Variants in CPLANE1 observed in about 807,000 individuals in gnomAD.
CPLANE1 encodes ciliogenesis and planar polarity effector 1.
In CPLANE1, 263 loss-of-function variants were observed where a neutral mutation model predicts 362.5. The observed-to-expected ratio is 0.73, with a 90% CI of 0.66 to 0.80. CPLANE1 has a LOEUF of 0.80. CPLANE1 is among the 30% of genes least tolerant of loss of function. The pLI is 0.00. For missense variants in CPLANE1, 3,461 were observed against 3,793.4 expected (o/e 0.91, Z 2.30); for synonymous variants, 1,212 against 1,302.6 (o/e 0.93, Z 1.50).
Position 37,121,747 on chromosome 5 carries a change from G to C in CPLANE1, c.9055C>G (p.Gln3019Glu). ...AGTTCATTCATCAGACCGTACGCTTGTGAGATTCGACGACTATAGTGTTCA... is the reference window on the plus strand; with the variant it reads ...AGTTCATTCATCAGACCGTACGCTTCTGAGATTCGACGACTATAGTGTTCA... ...LSEHYSRRISQAYGLMNELLS... is the reference protein window; with the variant it reads ...LSEHYSRRISEAYGLMNELLS... The change falls in exon 49 of 53, where the codon CAA (glutamine) becomes GAA (glutamate). Residue 3019 changes from glutamine to glutamate, a missense_variant. Physicochemically the swap from Gln to Glu is conservative, Grantham distance 29. This residue lies in a region of CPLANE1 where 3,380 missense variants were observed against 3,666.1 expected (regional missense o/e 0.92). Transcript: ENST00000651892. 1 of 1,614,002 alleles carries C rather than the reference G, an allele frequency of 6.2e-7. No homozygotes were observed. The highest frequency in any genetic ancestry group is 1.7e-4 in the Middle Eastern group (1 of 6,060).
intron 43 of CPLANE1, among the ~76,000 whole-genome samples, chr5:37,143,967 A>C (rs1229725361): frequency 6.6e-6 from 1 of 151,236 alleles, no homozygotes. Flanking sequence ...TAAGGAACAG[A>C]GTGAGGAGGT....
rs181980541 is a variant in CPLANE1 at position 37,132,691 on chromosome 5, T to C, written c.8792+6029A>G. Among the ~76,000 whole-genome samples the C allele has an allele frequency of 3.3e-5, 5 of 152,282 alleles. No homozygotes were observed. In the East Asian group the frequency reaches 9.6e-4, roughly 29 times the overall value. On this transcript the variant is annotated intron_variant, in intron 46 of 52. Transcript: ENST00000651892. ...TAGATTCTGCATATTAGATCATTGTTGGATGCAAAGGTTGTGAATATTTTC... is the reference window on the plus strand; with the variant it reads ...TAGATTCTGCATATTAGATCATTGTCGGATGCAAAGGTTGTGAATATTTTC...
intron 46 of CPLANE1, among the ~76,000 whole-genome samples, chr5:37,132,306 C>G (rs1157456433): frequency 1.5e-5 from 2 of 136,204 alleles, no homozygotes; most frequent in Non-Finnish European, 3.2e-5. Flanking sequence ...ACTTTTTAAT[C>G]TAGTTGTTCT....
chr5:37,149,499 C>T (rs953399130), intron 42 of CPLANE1, among the ~76,000 whole-genome samples: 1 of 152,176 alleles, frequency 6.6e-6, no homozygotes, highest in African/African-American at 2.4e-5. Context: ...TAAATATTTT[C>T]AATCCACATT....
Position 37,226,296 on chromosome 5 carries a change from G to A in CPLANE1, c.2291+8C>T, listed in dbSNP as rs1454521743. On this transcript the variant is annotated splice_region_variant and intron_variant, in intron 12 of 52. Transcript: ENST00000651892. The stretch of plus-strand genomic sequence containing the variant: ...ATAGTATCCCAGTATTAAAATAAGT[G>A]ATTATACCTGTGTCCTGGCTGTTGC... 6.1e-6 allele frequency: 9 copies of A among 1,476,266 alleles called. No individual in the cohort carries two copies. Among genetic ancestry groups the A allele is most frequent in the Non-Finnish European group, 8.1e-6 (9 of 1,116,060 alleles). 91.4% of individuals were successfully genotyped at this position (1,476,266 alleles called of 1,614,324 possible). A position where few individuals can be genotyped will look rare whatever the true frequency, so the allele number is the denominator to read the frequency against.
chr5:37,169,629 T>G lies in CPLANE1; in HGVS notation c.6463-68A>C. On this transcript the variant is annotated intron_variant, in intron 33 of 52. Coordinates refer to ENST00000651892, the MANE Select transcript of CPLANE1 (RefSeq NM_001384732.1). ...GAAATTCCTTCCTTTGTAAATGGCA[T>G]TCAGTATGTTTTGCAGTGGGTAGAA... 2.2e-6 allele frequency: 3 copies of G among 1,382,258 alleles called. No individual in the cohort carries two copies. In the Middle Eastern group the frequency reaches 5.9e-4, roughly 271 times the overall value. The allele number at this position is 1,382,258 out of a possible 1,614,324, so 85.6% of individuals were successfully genotyped here. A position where few individuals can be genotyped will look rare whatever the true frequency, so the allele number is the denominator to read the frequency against.
At chr5:37,098,389 T>TGAA in the CPLANE1 span, among the ~76,000 whole-genome samples, 1 of 29,796 alleles carries the variant, frequency 3.4e-5, no homozygotes, top group African/African-American at 1.7e-4. Context: ...AAACTCCGTC[T>TGAA]CAAAAAAAAA....
At position 37,185,014 on chromosome 5, in the gene CPLANE1, G is replaced by T; in HGVS notation, c.4255C>A (p.Leu1419Ile). The T allele has an allele frequency of 6.2e-7, 1 of 1,614,032 alleles. No homozygotes were observed. Among genetic ancestry groups the T allele is most frequent in the Non-Finnish European group, 8.5e-7 (1 of 1,179,958 alleles). ...CCTATATTTCTCTGCACACGTTTTA[G>T]AGCTTTCACCCTCACTTTCTGGATA... ...HSIQKVRVKA[L>I]KRVQRNIGSF... Residue 1419 changes from leucine (L) to isoleucine (I), a missense_variant, in exon 25 of 53, where the codon CTA (leucine) becomes ATA (isoleucine). Around this residue, in one of 2 missense-constraint regions of CPLANE1, gnomAD observed 3,380 missense variants for 3,666.1 expected, o/e 0.92. Coordinates refer to ENST00000651892, the MANE Select transcript of CPLANE1 (RefSeq NM_001384732.1).
chr5:37,130,988 T>C (rs1057225952), intron 46 of CPLANE1, among the ~76,000 whole-genome samples: 3 of 152,232 alleles, frequency 2.0e-5, no homozygotes, highest in South Asian at 4.1e-4. Context: ...TTTCACGTTA[T>C]AGGCTGCAGT....
In CPLANE1 at chr5:37,125,405, G is replaced by T. The variant is rs760841610; in HGVS notation, c.8797C>A (p.Gln2933Lys). ...TGTGAATGTCTGCCAGAATAATGCT[G>T]AATTCTGAGAAATTTAACAAGCAAG... Reference protein sequence around the residue: ...TEQAMGTSRIQHYSGRHSQRT... With the variant: ...TEQAMGTSRIKHYSGRHSQRT... The change falls in exon 47 of 53, where the codon CAG (glutamine) becomes AAG (lysine). Residue 2933 changes from glutamine (Q) to lysine (K), a missense_variant. This residue lies in a region of CPLANE1 where 3,380 missense variants were observed against 3,666.1 expected (regional missense o/e 0.92). Coordinates refer to ENST00000651892, the MANE Select transcript of CPLANE1 (RefSeq NM_001384732.1). The T allele has an allele frequency of 1.1e-5, 17 of 1,611,320 alleles. No homozygotes were observed. Among genetic ancestry groups the T allele is most frequent in the Non-Finnish European group, 1.2e-5 (14 of 1,179,524 alleles).
chr5:37,154,459 C>CTTTTTTTTTTTTTT lies in CPLANE1; in HGVS notation c.8120-480_8120-467dup, dbSNP rs35522666. On this transcript the variant is annotated intron_variant, in intron 41 of 52. Transcript: ENST00000651892. ...TTCTTCTCCCAAATTTGCAATAGTT[C>CTTTTTTTTTTTTTT]TTTTTTTTTTTTTTTTTTTTTTTTA... Among the ~76,000 whole-genome samples, 199 of 84,562 alleles carry CTTTTTTTTTTTTTT rather than the reference C, an allele frequency of 2.4e-3. 25 individuals carry two copies. Among genetic ancestry groups the CTTTTTTTTTTTTTT allele is most frequent in the Middle Eastern group, 7.6e-3 (1 of 132 alleles). 55.5% of individuals were successfully genotyped at this position (84,562 alleles called of 152,430 possible).
At chr5:37,105,942 A>G (rs188604565), downstream of CPLANE1, among the ~76,000 whole-genome samples, 79 of 152,334 alleles carry the variant, frequency 5.2e-4, no homozygotes, top group Admixed American at 1.7e-3. Flanking sequence ...AGAAAAAAGG[A>G]AGTCAATACC....
At chr5:37,157,919 G>A (rs1406094426) in intron 39 of CPLANE1, 51 bp from the exon 40 acceptor site, 2 of 328,414 alleles carry the variant, frequency 6.1e-6, no homozygotes, top group Non-Finnish European at 1.1e-5. Context: ...TTTACTCTAT[G>A]TGGTCACTCC....
rs1238271316 is a variant in CPLANE1 at position 37,209,027 on chromosome 5, C to G, written c.2921-2602G>C. Among the ~76,000 whole-genome samples the G allele has an allele frequency of 2.0e-5, 3 of 152,106 alleles. No homozygotes were observed. Among genetic ancestry groups the G allele is most frequent in the African/African-American group, 7.2e-5 (3 of 41,410 alleles). On this transcript the variant is annotated intron_variant, in intron 16 of 52. Coordinates refer to ENST00000651892, the MANE Select transcript of CPLANE1 (RefSeq NM_001384732.1). The surrounding 1 kb of genome is among the most constrained non-coding windows in gnomAD (Gnocchi z 4.6). ...GCTGTACTGAGCCGGTCTCGGGAGA[C>G]GAAGGATGGGATGTGAGGCGGTCCT...
chr5:37,248,058 G>A (rs1740384566), intron 1 of CPLANE1, among the ~76,000 whole-genome samples: 1 of 151,958 alleles, frequency 6.6e-6, no homozygotes, highest in Non-Finnish European at 1.5e-5. Context: ...CCAAAGTGCT[G>A]GGATAACAGG....
At position 37,120,086 on chromosome 5, in the gene CPLANE1, C is replaced by G. The variant is rs935969260; in HGVS notation, c.9310+130G>C. On this transcript the variant is annotated intron_variant, in intron 50 of 52. Transcript: ENST00000651892. ...AATTACAGCTAAGTCTTTATCAATG[C>G]CTCGCCTTCTGTTCAAATCAGAACT... 5.6e-6 allele frequency: 5 copies of G among 885,632 alleles called. 1 individual carries two copies. The highest frequency in any genetic ancestry group is 8.5e-6 in the Non-Finnish European group (5 of 587,950). The allele number at this position is 885,632 out of a possible 1,614,324, so 54.9% of individuals were successfully genotyped here.
chr5:37,139,446 T>A (rs1580086521), intron 44 of CPLANE1, 76 bp from the exon 45 acceptor site: 1 of 1,090,702 alleles, frequency 9.2e-7, no homozygotes, highest in South Asian at 2.0e-5. Flanking sequence ...TTAGAAATTA[T>A]ATAACCAGAA....
At position 37,227,492 on chromosome 5, in the gene CPLANE1, G is replaced by T. The variant is rs557922927; in HGVS notation, c.1371+76C>A. 5.2e-4 allele frequency: 775 copies of T among 1,479,830 alleles called. 8 individuals are homozygous for T. In the South Asian group the frequency reaches 0.01, roughly 19 times the overall value. The allele number at this position is 1,479,830 out of a possible 1,614,324, so 91.7% of individuals were successfully genotyped here. On this transcript the variant is annotated intron_variant, in intron 10 of 52. Transcript: ENST00000651892. ...TATAGACAACTGTATACAATTCAAG[G>T]ACATTATTGTCAGTAAAGTTTTAAA...
rs769645726 is a variant in CPLANE1, at chr5:37,153,863, T to C, written c.8250A>G (p.Gln2750=). ...ACPAPSSAAH[Q]LEHLSAKLQK... is the part of the protein sequence containing the mutation. ...GAAGCTTAGCACTGAGATGCTCTAG[T>C]TGGTGAGCTGCAGAGCTTGGTGCAG... Residue 2750 remains glutamine (Q), a synonymous_variant, in exon 42 of 53, where the codon CAA becomes CAG. Coordinates refer to ENST00000651892, the MANE Select transcript of CPLANE1 (RefSeq NM_001384732.1). 3.7e-6 allele frequency: 6 copies of C among 1,614,142 alleles called. No individual in the cohort carries two copies. The South Asian group carries it at 5.5e-5, about 15-fold the overall frequency.
Sources: allele counts gnomAD v4.1 joint callset (sites outside exome capture counted in the v4.1 genomes callset), GRCh38; gene constraint gnomAD v4.1.1; regional missense constraint gnomAD v4.1.1; non-coding constraint Gnocchi (gnomAD v3.1); transcripts MANE v1.5; gene names NCBI Gene and HGNC (gene_info 2026-07-23, HGNC 2026-07-21).